Variants in ZNF804B observed in about 807,000 individuals in gnomAD.
ZNF804B encodes the protein zinc finger protein 804B.
A neutral mutation model predicts 101.4 loss-of-function variants in ZNF804B; 80 were observed. The ratio of observed to expected loss-of-function variants is 0.79; its 90% CI spans 0.66 to 0.95. The LOEUF is 0.95. Among genes scored for constraint, ZNF804B ranks in the 40% least tolerant of loss-of-function variants. The pLI is 0.00. For synonymous variants in ZNF804B, 622 were observed against 558.8 expected (o/e 1.11, Z -1.59); for missense variants, 1,673 against 1,561.9 (o/e 1.07, Z -1.20).
intron 1 of ZNF804B, among the ~76,000 whole-genome samples, chr7:89,178,853 T>C (rs774053529): frequency 1.3e-5 from 2 of 152,198 alleles, no homozygotes; most frequent in Admixed American, 1.3e-4. Flanking sequence ...AGAACAGGTC[T>C]CCTGTTTATA....
chr7:88,918,418 C>A (rs558755726), intron 1 of ZNF804B, among the ~76,000 whole-genome samples: 18 of 152,094 alleles, frequency 1.2e-4, no homozygotes, highest in Non-Finnish European at 2.2e-4. Context: ...CAAGGAACAT[C>A]TGTTACATTA....
chr7:89,047,811 A>G (rs1301550061), intron 1 of ZNF804B, among the ~76,000 whole-genome samples: 3 of 152,268 alleles, frequency 2.0e-5, no homozygotes, highest in Admixed American at 6.5e-5. Context: ...TAGACTGTCT[A>G]GAACCACTCC....
At chr7:89,007,970 AATTT>A (rs1166375979) in intron 1 of ZNF804B, among the ~76,000 whole-genome samples, 2 of 152,064 alleles carry the variant, frequency 1.3e-5, no homozygotes, top group Non-Finnish European at 2.9e-5. Context: ...TATCAGATGT[AATTT>A]ATTTGCATTT....
intron 1 of ZNF804B, among the ~76,000 whole-genome samples, chr7:89,093,820 T>G (rs1789931521): frequency 1.3e-5 from 2 of 152,234 alleles, no homozygotes; most frequent in Admixed American, 1.3e-4. Flanking sequence ...CATTTACTAG[T>G]TCAGATACTG....
intron 2 of ZNF804B, among the ~76,000 whole-genome samples, chr7:89,286,410 C>G (rs1790196671): frequency 6.6e-6 from 1 of 152,186 alleles, no homozygotes; most frequent in Non-Finnish European, 1.5e-5. Flanking sequence ...ATAGAAAAAG[C>G]TGTGAAAGCC....
At chr7:88,935,789 T>G (rs1435944670) in intron 1 of ZNF804B, among the ~76,000 whole-genome samples, 1 of 151,940 alleles carries the variant, frequency 6.6e-6, no homozygotes, top group Non-Finnish European at 1.5e-5. Context: ...TAAAAAAATT[T>G]TTTTATCCTA....
intron 2 of ZNF804B, among the ~76,000 whole-genome samples, chr7:89,236,455 G>A (rs1044338879): frequency 5.9e-5 from 9 of 152,168 alleles, no homozygotes; most frequent in Admixed American, 5.2e-4. Context: ...AATCATTAAT[G>A]GACAGCAAAG....
intron 2 of ZNF804B, among the ~76,000 whole-genome samples, chr7:89,231,791 G>T (rs771838761): frequency 3.3e-5 from 5 of 151,994 alleles, no homozygotes; most frequent in African/African-American, 1.2e-4. Context: ...TATCGATCCT[G>T]TAATTTTGTT....
At chr7:88,883,507 A>G (rs1329004738) in intron 1 of ZNF804B, among the ~76,000 whole-genome samples, 3 of 152,096 alleles carry the variant, frequency 2.0e-5, no homozygotes, top group Non-Finnish European at 4.4e-5. Context: ...CACTTGTCCA[A>G]GCTCTTTTCC....
chr7:89,327,247 C>T, intron 2 of ZNF804B, 97 bp from the exon 3 acceptor site: 1 of 1,209,706 alleles, frequency 8.3e-7, no homozygotes, highest in East Asian at 2.8e-5. Context: ...AGAAAGTCAC[C>T]TCTGCACTTA....
intron 1 of ZNF804B, among the ~76,000 whole-genome samples, chr7:89,015,312 T>C (rs1311339144): frequency 3.3e-5 from 5 of 151,358 alleles, no homozygotes; most frequent in Non-Finnish European, 7.4e-5. Context: ...TTTTTCTTTT[T>C]TTTTAATTAT....
At chr7:88,865,077 A>C (rs1408067479) in intron 1 of ZNF804B, among the ~76,000 whole-genome samples, 1 of 151,826 alleles carries the variant, frequency 6.6e-6, no homozygotes, top group African/African-American at 2.4e-5. Flanking sequence ...AAAAATACAA[A>C]ATTAGACAGG....
intron 1 of ZNF804B, among the ~76,000 whole-genome samples, chr7:88,771,957 A>G (rs1732223594): frequency 6.6e-6 from 1 of 152,140 alleles, no homozygotes; most frequent in Admixed American, 6.6e-5. Flanking sequence ...TGAAAATAAT[A>G]TGTAAACTTT....
intron 1 of ZNF804B, among the ~76,000 whole-genome samples, chr7:88,779,113 A>G (rs3847035): frequency 0.43 from 65,935 of 152,052 alleles, 17,297 homozygotes; most frequent in African/African-American, 0.73. Flanking sequence ...ATGACATGTC[A>G]AGTATGGCAA....
chr7:89,063,241 TA>T (rs1342457323), intron 1 of ZNF804B, among the ~76,000 whole-genome samples: 6 of 152,262 alleles, frequency 3.9e-5, no homozygotes, highest in African/African-American at 1.4e-4. Context: ...TGAAAATGGT[TA>T]AATTTGGGGC....
intron 1 of ZNF804B, chr7:88,794,201 GCCATACCACC>G: frequency 6.2e-7 from 1 of 1,611,688 alleles, no homozygotes. Context: ...GAAGGAGCAG[GCCATACCACC>G]TCAGAATCCA....
intron 2 of ZNF804B, among the ~76,000 whole-genome samples, chr7:89,277,925 A>T (rs1489006516): frequency 1.3e-5 from 2 of 152,140 alleles, no homozygotes; most frequent in East Asian, 3.9e-4. Context: ...GAGTCGCCAC[A>T]CTGACTTCCA....
chr7:89,252,168 T>C (rs952478958), intron 2 of ZNF804B, among the ~76,000 whole-genome samples: 1 of 151,820 alleles, frequency 6.6e-6, no homozygotes, highest in Admixed American at 6.6e-5. Context: ...CCAACAAAGG[T>C]CTAATGTCGA....
chr7:89,260,823 C>T (rs942605109), intron 2 of ZNF804B, among the ~76,000 whole-genome samples: 1 of 152,120 alleles, frequency 6.6e-6, no homozygotes, highest in Non-Finnish European at 1.5e-5. Context: ...ACAGCTGTAT[C>T]GTATCAAGCA....
Sources: gnomAD v4.1 joint callset for allele counts (sites outside exome capture counted in the v4.1 genomes callset) on GRCh38, gnomAD v4.1.1 for gene constraint, MANE v1.5 for transcripts, NCBI Gene and HGNC (gene_info 2026-07-23, HGNC 2026-07-21) for gene names.